Variants in UXS1 observed in about 807,000 individuals in gnomAD.
UXS1 encodes UDP-glucuronate decarboxylase 1.
In UXS1, 33 loss-of-function variants were observed where a neutral mutation model predicts 62.6. The observed-to-expected ratio is 0.53, with a 90% CI of 0.40 to 0.70. The LOEUF is 0.70. Ranked by LOEUF, UXS1 falls within the 30% of genes least tolerant of loss-of-function variation. UXS1 has a pLI of 0.00. For synonymous variants in UXS1, 213 were observed against 206.8 expected, an observed-to-expected ratio of 1.03 and a Z score of -0.26; for missense variants, 434 against 556.3, an observed-to-expected ratio of 0.78 and a Z score of 2.21.
intron 1 of UXS1, among the ~76,000 whole-genome samples, chr2:106,185,617 T>C (rs925718011): frequency 6.6e-6 from 1 of 152,238 alleles, no homozygotes; most frequent in African/African-American, 2.4e-5. Context: ...AGTTTAACGG[T>C]GCCCCCTAAA....
intron 1 of UXS1, among the ~76,000 whole-genome samples, chr2:106,180,957 G>A (rs992205895): frequency 6.6e-6 from 1 of 152,150 alleles, no homozygotes. Context: ...AAGGATATGT[G>A]ACAATATTTT....
chr2:106,178,435 T>A (rs957245365), intron 1 of UXS1, among the ~76,000 whole-genome samples: 3 of 152,118 alleles, frequency 2.0e-5, no homozygotes, highest in African/African-American at 4.8e-5. Context: ...GCAAAAAGTA[T>A]GTGTATGTAT....
intron 9 of UXS1, among the ~76,000 whole-genome samples, chr2:106,121,901 G>A (rs1320215793): frequency 6.6e-6 from 1 of 152,146 alleles, no homozygotes; most frequent in Non-Finnish European, 1.5e-5. Flanking sequence ...GTGGTACCAC[G>A]GGAAGGGAAG....
Position 106,127,962 on chromosome 2 carries a change from C to T in UXS1, c.577+1712G>A, listed in dbSNP as rs540899381. ...ACTAGGTATCATCGACGCTTGTGCCCGTTCAGCAGCCCCCAACCCCCATAG... is the reference window on the plus strand; with the variant it reads ...ACTAGGTATCATCGACGCTTGTGCCTGTTCAGCAGCCCCCAACCCCCATAG... On this transcript the variant is annotated intron_variant, in intron 7 of 14. Transcript: ENST00000283148. Among the ~76,000 whole-genome samples the T allele has an allele frequency of 1.3e-4, 20 of 152,288 alleles. 1 individual carries two copies. The highest frequency in any genetic ancestry group is 3.9e-4 in the African/African-American group (16 of 41,534).
chr2:106,154,326 T>C (rs1682264213), intron 5 of UXS1, among the ~76,000 whole-genome samples: 2 of 152,180 alleles, frequency 1.3e-5, no homozygotes, highest in Non-Finnish European at 2.9e-5. Context: ...ATGTACTAGG[T>C]TGGATACTGT....
chr2:106,099,548 A>C (rs1019040731), intron 12 of UXS1, among the ~76,000 whole-genome samples: 3 of 152,150 alleles, frequency 2.0e-5, no homozygotes, highest in African/African-American at 7.2e-5. Flanking sequence ...GGAGTGACGG[A>C]AATTTGCAAG....
chr2:106,130,344 T>C (rs1472227829), intron 6 of UXS1, among the ~76,000 whole-genome samples: 1 of 152,130 alleles, frequency 6.6e-6, no homozygotes, highest in Admixed American at 6.5e-5. Flanking sequence ...GCATTCACTT[T>C]AACGTCACTA....
At chr2:106,141,404 C>G (rs1445924163) in intron 6 of UXS1, among the ~76,000 whole-genome samples, 1 of 152,152 alleles carries the variant, frequency 6.6e-6, no homozygotes, top group Non-Finnish European at 1.5e-5. Context: ...CTGAGGAGAG[C>G]TGAGAACTGG....
At chr2:106,098,558 C>T (rs1035222600) in intron 13 of UXS1, among the ~76,000 whole-genome samples, 158 bp downstream of exon 13, 1 of 152,156 alleles carries the variant, frequency 6.6e-6, no homozygotes, top group Non-Finnish European at 1.5e-5. Context: ...CTTTCTATTC[C>T]TTAAAAATTA....
chr2:106,139,865 A>G (rs1680960433), intron 6 of UXS1, among the ~76,000 whole-genome samples: 1 of 152,216 alleles, frequency 6.6e-6, no homozygotes. Flanking sequence ...GCGATTATTT[A>G]GCACATACTA....
At chr2:106,150,416 G>A (rs1681913291) in intron 5 of UXS1, among the ~76,000 whole-genome samples, 1 of 152,220 alleles carries the variant, frequency 6.6e-6, no homozygotes, top group Non-Finnish European at 1.5e-5. Flanking sequence ...CAGGCAAGCT[G>A]AGACCTTGAG....
At chr2:106,108,394 C>T (rs79996245) in intron 10 of UXS1, among the ~76,000 whole-genome samples, 266 of 152,312 alleles carry the variant, frequency 1.7e-3, no homozygotes, top group African/African-American at 6.0e-3. Flanking sequence ...TGTGTACAGC[C>T]CTCCCAGCAT....
At chr2:106,174,225 G>A (rs1419783306) in intron 1 of UXS1, among the ~76,000 whole-genome samples, 1 of 152,166 alleles carries the variant, frequency 6.6e-6, no homozygotes, top group East Asian at 1.9e-4. Context: ...CCAAATATGG[G>A]CACCACTGTG....
At chr2:106,108,254 C>T (rs962964311) in intron 10 of UXS1, among the ~76,000 whole-genome samples, 2 of 152,194 alleles carry the variant, frequency 1.3e-5, no homozygotes, top group African/African-American at 4.8e-5. Context: ...GTGAAATATT[C>T]ACTGTGTGCG....
At chr2:106,110,222 C>T (rs752872140) in intron 10 of UXS1, among the ~76,000 whole-genome samples, 1 of 152,188 alleles carries the variant, frequency 6.6e-6, no homozygotes, top group Non-Finnish European at 1.5e-5. Context: ...AGACTGAAGC[C>T]CACCACGTTC....
chr2:106,144,402 T>C (rs1681389115), intron 6 of UXS1, among the ~76,000 whole-genome samples: 1 of 152,132 alleles, frequency 6.6e-6, no homozygotes, highest in South Asian at 2.1e-4. Context: ...GCAAGAAGAA[T>C]ATGAACAGAT....
chr2:106,142,668 A>AT (rs1681212072), intron 6 of UXS1, among the ~76,000 whole-genome samples: 1 of 152,176 alleles, frequency 6.6e-6, no homozygotes, highest in Admixed American at 6.5e-5. Flanking sequence ...GTGAGGGCAG[A>AT]AAGAGTGAAG....
chr2:106,194,033 G>T, intron 1 of UXS1, 115 bp downstream of exon 1: 2 of 705,726 alleles, frequency 2.8e-6, no homozygotes, highest in South Asian at 3.8e-5. Context: ...CGCCCGGGGC[G>T]GGGAGCAACG....
At chr2:106,125,139 C>T (rs1462483368) in intron 8 of UXS1, among the ~76,000 whole-genome samples, 1 of 152,178 alleles carries the variant, frequency 6.6e-6, no homozygotes, top group African/African-American at 2.4e-5. Flanking sequence ...GGTGTTCTGA[C>T]ACTACCTGCT....
Sources: allele counts gnomAD v4.1 joint callset (sites outside exome capture counted in the v4.1 genomes callset), GRCh38; gene constraint gnomAD v4.1.1; transcripts MANE v1.5; gene names NCBI Gene and HGNC (gene_info 2026-07-23, HGNC 2026-07-21).